CAMK2D: variants seen among roughly 807,000 people sequenced by gnomAD.
The protein encoded by CAMK2D is calcium/calmodulin dependent protein kinase II delta, also known as calcium/calmodulin-dependent protein kinase type II subunit delta.
Under a neutral mutation model 84.0 loss-of-function variants are expected in CAMK2D, and 37 were observed. That is an observed-to-expected ratio of 0.44 (90% confidence interval 0.34 to 0.58). CAMK2D has a LOEUF of 0.58. Ranked by LOEUF, CAMK2D falls within the 20% of genes least tolerant of loss-of-function variation. The pLI is 0.02. For missense variants in CAMK2D, 448 were observed against 652.5 expected (o/e 0.69, Z 3.41); for synonymous variants, 202 against 212.5 (o/e 0.95, Z 0.43).
At chr4:113,728,147 A>G (rs768010200) in intron 2 of CAMK2D, among the ~76,000 whole-genome samples, 10 of 152,270 alleles carry the variant, frequency 6.6e-5, no homozygotes, top group South Asian at 2.1e-4. Context: ...CAATCCATCA[A>G]TTCTACTCCT....
intron 3 of CAMK2D, among the ~76,000 whole-genome samples, chr4:113,617,658 A>C (rs900436062): frequency 2.6e-5 from 4 of 152,046 alleles, no homozygotes; most frequent in Non-Finnish European, 5.9e-5. Flanking sequence ...AAGGAAAAAC[A>C]GAACAATTTT....
intron 4 of CAMK2D, among the ~76,000 whole-genome samples, chr4:113,607,525 T>G (rs1339554995): frequency 6.6e-6 from 1 of 152,120 alleles, no homozygotes; most frequent in Non-Finnish European, 1.5e-5. Context: ...GATTTGTTCC[T>G]GCCCCACCGT....
At chr4:113,712,675 A>C (rs2099497491) in intron 2 of CAMK2D, among the ~76,000 whole-genome samples, 1 of 152,072 alleles carries the variant, frequency 6.6e-6, no homozygotes, top group Non-Finnish European at 1.5e-5. Context: ...TTTAATTTAA[A>C]TTCTAGTGAA....
intron 2 of CAMK2D, among the ~76,000 whole-genome samples, chr4:113,690,464 GT>G (rs1179290907): frequency 6.6e-6 from 1 of 152,146 alleles, no homozygotes; most frequent in Non-Finnish European, 1.5e-5. Context: ...CTGAGCAGAT[GT>G]GTTCCTACAC....
chr4:113,460,691 T>G (rs61410282), intron 17 of CAMK2D, among the ~76,000 whole-genome samples: 5 of 132,904 alleles, frequency 3.8e-5, no homozygotes, highest in African/African-American at 1.3e-4. Context: ...TAATAATAAT[T>G]ATTATTATTT....
chr4:113,531,147 G>T (rs1252495535), intron 8 of CAMK2D, 69 bp downstream of exon 8: 7 of 804,686 alleles, frequency 8.7e-6, no homozygotes, highest in South Asian at 8.1e-5. Context: ...ATGACAGATT[G>T]TTATAGCAGA....
intron 2 of CAMK2D, among the ~76,000 whole-genome samples, chr4:113,738,750 C>T (rs2099586712): frequency 6.6e-6 from 1 of 152,002 alleles, no homozygotes. Flanking sequence ...TATGAACTTT[C>T]CCATGTCACT....
rs1289804281 is a variant in CAMK2D at position 113,453,753 on chromosome 4, A to AC, written c.*791dup. 2 of 152,600 alleles carry AC rather than the reference A, an allele frequency of 1.3e-5. No individual in the cohort carries two copies. The highest frequency in any genetic ancestry group is 2.9e-5 in the Non-Finnish European group (2 of 68,036). 9.5% of individuals were successfully genotyped at this position (152,600 alleles called of 1,614,324 possible). A position where few individuals can be genotyped will look rare whatever the true frequency, so the allele number is the denominator to read the frequency against. ...GAACAAAAGAAAAATAAGAAAGCAA[A>AC]CGAAAGGAACAAAGAAACAGGATAA... On this transcript the variant is annotated 3_prime_UTR_variant, in exon 21 of 21. Transcript: ENST00000511664.
intron 14 of CAMK2D, 107 bp from the exon 15 acceptor site, chr4:113,503,084 C>G (rs996345003): frequency 1.2e-5 from 10 of 824,846 alleles, no homozygotes; most frequent in Non-Finnish European, 1.9e-5. Flanking sequence ...GAAATAGTGA[C>G]AAGAGCTAAA....
At chr4:113,595,372 T>C (rs1448898242) in intron 4 of CAMK2D, among the ~76,000 whole-genome samples, 1 of 152,152 alleles carries the variant, frequency 6.6e-6, no homozygotes, top group Non-Finnish European at 1.5e-5. Context: ...TTTCATATTC[T>C]AAATTGATCT....
intron 16 of CAMK2D, among the ~76,000 whole-genome samples, chr4:113,491,223 G>T (rs1590074988): frequency 1.6e-5 from 2 of 125,194 alleles, no homozygotes; most frequent in African/African-American, 3.2e-5. Flanking sequence ...CTTGTGCCAG[G>T]TTTCAAAGGG....
chr4:113,634,947 T>A (rs1469109033), intron 3 of CAMK2D, among the ~76,000 whole-genome samples: 1 of 152,132 alleles, frequency 6.6e-6, no homozygotes, highest in Non-Finnish European at 1.5e-5. Flanking sequence ...CTTGTAATTA[T>A]CTTCACAAAA....
At chr4:113,755,291 A>C (rs2099626120) in intron 2 of CAMK2D, among the ~76,000 whole-genome samples, 1 of 151,842 alleles carries the variant, frequency 6.6e-6, no homozygotes, top group Admixed American at 6.6e-5. Context: ...TGTACTACTA[A>C]TATCACCAAT....
chr4:113,534,999 A>C (rs1235921795), intron 7 of CAMK2D, among the ~76,000 whole-genome samples: 3 of 152,196 alleles, frequency 2.0e-5, no homozygotes, highest in Admixed American at 6.5e-5. Context: ...AAGCTCAAAA[A>C]CAGACGAGAT....
chr4:113,513,938 CT>C, intron 10 of CAMK2D, 25 bp from the exon 11 acceptor site: 1 of 1,160,858 alleles, frequency 8.6e-7, no homozygotes, highest in Non-Finnish European at 1.3e-6. Context: ...GAAAAAGTAA[CT>C]TAATTGAGAA....
At chr4:113,562,747 T>C (rs2098704017) in intron 4 of CAMK2D, among the ~76,000 whole-genome samples, 1 of 152,250 alleles carries the variant, frequency 6.6e-6, no homozygotes, top group Admixed American at 6.5e-5. Flanking sequence ...TTGCTTTTTA[T>C]GTGCAAGTGT....
chr4:113,761,056 T>C lies in CAMK2D; in HGVS notation c.13A>G (p.Thr5Ala). ...TCGTCCGTGAACCTGGTGCAGGTTG[T>C]GGTCGAAGCCATCCTCGGTCCGGGC... MAST[T>A]TCTRFTDEYQ... Residue 5 changes from threonine (T) to alanine (A), a missense_variant, in exon 1 of 21, where the codon ACA becomes GCA. Physicochemically the swap from Thr to Ala is moderately conservative, Grantham distance 58. This residue lies in a region of CAMK2D where 44 missense variants were observed against 45.6 expected (regional missense o/e 0.96). Coordinates refer to ENST00000511664, the MANE Select transcript of CAMK2D (RefSeq NM_001321571.2). 6.2e-7 allele frequency: 1 copy of C among 1,614,216 alleles called. No homozygotes were observed. Among genetic ancestry groups the C allele is most frequent in the South Asian group, 1.1e-5 (1 of 91,092 alleles).
intron 4 of CAMK2D, among the ~76,000 whole-genome samples, chr4:113,572,199 T>C (rs934938571): frequency 1.3e-5 from 2 of 152,080 alleles, no homozygotes; most frequent in Non-Finnish European, 2.9e-5. Flanking sequence ...ACTGTTTAAA[T>C]AGAACTCATT....
intron 3 of CAMK2D, among the ~76,000 whole-genome samples, chr4:113,632,578 T>C (rs1240657611): frequency 6.8e-6 from 1 of 147,606 alleles, no homozygotes; most frequent in African/African-American, 2.5e-5. Flanking sequence ...TGATACCCCA[T>C]AGAGAGATAC....
Sources: gnomAD v4.1 joint callset for allele counts (sites outside exome capture counted in the v4.1 genomes callset) on GRCh38, gnomAD v4.1.1 for gene constraint, gnomAD v4.1.1 regional missense constraint, MANE v1.5 for transcripts, NCBI Gene and HGNC (gene_info 2026-07-23, HGNC 2026-07-21) for gene names.